The following WASHC5 variants were observed in gnomAD, a reference collection of about 807,000 sequenced individuals.
WASHC5 encodes WASH complex subunit strumpellin.
A neutral mutation model predicts 150.4 loss-of-function variants in WASHC5; 101 were observed. The observed-to-expected ratio is 0.67, with a 90% CI of 0.57 to 0.79. WASHC5 has a LOEUF of 0.79. Among genes scored for constraint, WASHC5 ranks in the 30% least tolerant of loss-of-function variants. WASHC5 has a pLI of 0.00. For synonymous variants in WASHC5, 467 were observed against 491.2 expected, an observed-to-expected ratio of 0.95 and a Z score of 0.65; for missense variants, 1,195 against 1,396.3, an observed-to-expected ratio of 0.86 and a Z score of 2.30.
chr8:125,025,800 T>C (rs1815363249), intron 28 of WASHC5, among the ~76,000 whole-genome samples: 1 of 147,180 alleles, frequency 6.8e-6, no homozygotes, highest in Non-Finnish European at 1.5e-5. Context: ...ACTTTTGTAA[T>C]GAATTTTTCC....
chr8:125,069,667 C>T (rs1359854430), intron 9 of WASHC5, among the ~76,000 whole-genome samples: 1 of 152,184 alleles, frequency 6.6e-6, no homozygotes, highest in Non-Finnish European at 1.5e-5. Context: ...AGACTCGTGA[C>T]AACCTGGAAA....
At chr8:125,028,116 A>G (rs1017315989) in intron 28 of WASHC5, among the ~76,000 whole-genome samples, 2 of 152,210 alleles carry the variant, frequency 1.3e-5, no homozygotes, top group Non-Finnish European at 2.9e-5. Flanking sequence ...CTCCACTTTG[A>G]GCTAAAATTT....
At chr8:125,090,782 C>T (rs1336140119) in intron 1 of WASHC5, among the ~76,000 whole-genome samples, 1 of 152,168 alleles carries the variant, frequency 6.6e-6, no homozygotes, top group African/African-American at 2.4e-5. Context: ...TTTCGCAAAA[C>T]CTCAGTTCCA....
chr8:125,072,360 G>A (rs527955287), intron 9 of WASHC5, among the ~76,000 whole-genome samples: 1 of 104,954 alleles, frequency 9.5e-6, no homozygotes, highest in Admixed American at 1.0e-4. Context: ...AGTGGGGGGG[G>A]GGGGCGGGCT....
At chr8:125,088,339 T>G (rs1411663060) in intron 1 of WASHC5, among the ~76,000 whole-genome samples, 1 of 150,100 alleles carries the variant, frequency 6.7e-6, no homozygotes. Flanking sequence ...GCAGGAGAAT[T>G]GCTTAAACCC....
intron 18 of WASHC5, among the ~76,000 whole-genome samples, chr8:125,050,083 A>G (rs889891262): frequency 6.6e-6 from 1 of 152,138 alleles, no homozygotes; most frequent in African/African-American, 2.4e-5. Flanking sequence ...GAATACTTAA[A>G]ACATTTTAAA....
chr8:125,047,340 C>T lies in WASHC5; in HGVS notation c.2380-9G>A, dbSNP rs759557344. 2 of 1,612,598 alleles carry T rather than the reference C, an allele frequency of 1.2e-6. No individual in the cohort carries two copies. The highest frequency in any genetic ancestry group is 2.2e-5 in the South Asian group (2 of 91,046). On this transcript the variant is annotated splice_polypyrimidine_tract_variant and intron_variant, in intron 19 of 28. Transcript: ENST00000318410. ...CTTTGCCAATCTTGAATCTAGAAAA[C>T]AAAACCATCAATATTTAGTAAACCT... is the stretch of plus-strand genomic sequence containing the variant.
At position 125,066,599 on chromosome 8, in the gene WASHC5, C is replaced by T. The variant is rs1194717184; in HGVS notation, c.1278+993G>A. On this transcript the variant is annotated intron_variant, in intron 10 of 28. Coordinates refer to ENST00000318410, the MANE Select transcript of WASHC5 (RefSeq NM_014846.4). ...GATGACCTTGTACAAATGCAAATCA[C>T]CCACCCCAGTTAATACCCTTTCCAG... Among the ~76,000 whole-genome samples the T allele has an allele frequency of 2.0e-5, 3 of 152,282 alleles. No homozygotes were observed. The East Asian group carries it at 5.8e-4, about 29-fold the overall frequency.
intron 17 of WASHC5, among the ~76,000 whole-genome samples, chr8:125,051,513 C>T (rs1291295286): frequency 6.6e-6 from 1 of 152,212 alleles, no homozygotes; most frequent in Admixed American, 6.5e-5. Flanking sequence ...ACGTCAAGAT[C>T]GTTCAATCAG....
chr8:125,073,041 T>G lies in WASHC5; in HGVS notation c.1150+112A>C, dbSNP rs961431260. The G allele has an allele frequency of 1.5e-5, 17 of 1,151,844 alleles. No homozygotes were observed. The Middle Eastern group carries it at 8.6e-4, about 58-fold the overall frequency. 71.4% of individuals were successfully genotyped at this position (1,151,844 alleles called of 1,614,324 possible). On this transcript the variant is annotated intron_variant, in intron 9 of 28. Transcript: ENST00000318410. The stretch of plus-strand genomic sequence containing the variant: ...TGACTAACTTTAAAAAGCAACTTGA[T>G]TCTCATCCAAGGCCTCTCTCCCTGC...
At position 125,044,650 on chromosome 8, in the gene WASHC5, A is replaced by G. The variant is rs534230568; in HGVS notation, c.2553T>C (p.Thr851=). Reference sequence around the variant, plus strand: ...GGCGGCTGCTGGTCACTTCCTGATGAGTTTTCATATCATACCAAGTGTTCA... The same window carrying G: ...GGCGGCTGCTGGTCACTTCCTGATGGGTTTTCATATCATACCAAGTGTTCA... ...DQLNTWYDMK[T]HQEVTSSRLF... Residue 851 remains threonine, a synonymous_variant, in exon 21 of 29, where the codon ACT becomes ACC. Transcript: ENST00000318410. The G allele has an allele frequency of 6.2e-7, 1 of 1,614,130 alleles. No homozygotes were observed. Among genetic ancestry groups the G allele is most frequent in the Admixed American group, 1.7e-5 (1 of 60,024 alleles).
chr8:125,065,984 C>G (rs1440932333), intron 10 of WASHC5, among the ~76,000 whole-genome samples: 1 of 152,098 alleles, frequency 6.6e-6, no homozygotes, highest in African/African-American at 2.4e-5. Flanking sequence ...TGACCTGGTT[C>G]CTGTTCTTGG....
chr8:125,059,367 CTACAT>C lies in WASHC5; in HGVS notation c.1688+4_1688+8del. 1 of 1,613,924 alleles carries C rather than the reference CTACAT, an allele frequency of 6.2e-7. No individual in the cohort carries two copies. The highest frequency in any genetic ancestry group is 8.5e-7 in the Non-Finnish European group (1 of 1,179,884). Reference sequence around the variant, plus strand: ...TCATCTACAGCAAATGTCAGGCTGCCTACATTACCTGTCAATCAACTGCCAAGCGA... The same window carrying C: ...TCATCTACAGCAAATGTCAGGCTGCCTACCTGTCAATCAACTGCCAAGCGA... On this transcript the variant is annotated splice_donor_5th_base_variant and intron_variant, in intron 13 of 28. Coordinates refer to ENST00000318410, the MANE Select transcript of WASHC5 (RefSeq NM_014846.4).
intron 27 of WASHC5, among the ~76,000 whole-genome samples, 178 bp from the exon 28 acceptor site, chr8:125,028,885 G>A (rs1051949459): frequency 2.6e-5 from 4 of 152,126 alleles, no homozygotes; most frequent in Admixed American, 2.6e-4. Flanking sequence ...ATTTTCAGGA[G>A]CCCACCCCAT....
At position 125,073,171 on chromosome 8, in the gene WASHC5, G is replaced by A; in HGVS notation, c.1132C>T (p.Leu378Phe). The change falls in exon 9 of 29, where the codon CTT becomes TTT. Residue 378 changes from leucine (L) to phenylalanine (F), a missense_variant. Transcript: ENST00000318410. Reference sequence around the variant, plus strand: ...GCATTACCTGAGTCTGCTGTATGAAGCATCAGCCATCGGATGGCAACATTG... The same window carrying A: ...GCATTACCTGAGTCTGCTGTATGAAACATCAGCCATCGGATGGCAACATTG... ...DCNVAIRWLM[L>F]HTADSACDPN... The A allele has an allele frequency of 6.2e-7, 1 of 1,614,112 alleles. No individual in the cohort carries two copies.
At chr8:125,083,309 G>A (rs1181919512) in intron 2 of WASHC5, 51 bp from the exon 3 acceptor site, 4 of 1,550,932 alleles carry the variant, frequency 2.6e-6, no homozygotes, top group South Asian at 2.3e-5. Context: ...ACTTGTTGGT[G>A]ACAATTTCTA....
rs778668426 is a variant in WASHC5, at chr8:125,028,716, G to A, written c.3336-9C>T. The A allele has an allele frequency of 6.2e-7, 1 of 1,603,892 alleles. No individual in the cohort carries two copies. The highest frequency in any genetic ancestry group is 1.1e-5 in the South Asian group (1 of 90,878). ...TTTCAGGTATCTTCTGGCTGTGATAGAGAACAGTTTAGATCAATTAACTGC... is the reference window on the plus strand; with the variant it reads ...TTTCAGGTATCTTCTGGCTGTGATAAAGAACAGTTTAGATCAATTAACTGC... On this transcript the variant is annotated splice_polypyrimidine_tract_variant and intron_variant, in intron 27 of 28. Transcript: ENST00000318410.
At chr8:125,089,794 A>C (rs1024561155) in intron 1 of WASHC5, among the ~76,000 whole-genome samples, 1 of 152,242 alleles carries the variant, frequency 6.6e-6, no homozygotes, top group Non-Finnish European at 1.5e-5. Context: ...CCCTTACTCA[A>C]GAATTACGCT....
chr8:125,078,447 A>G (rs907158785), intron 6 of WASHC5, among the ~76,000 whole-genome samples: 3 of 152,232 alleles, frequency 2.0e-5, no homozygotes, highest in Non-Finnish European at 4.4e-5. Flanking sequence ...AGCATTGCGC[A>G]TGTGAATGGG....
Sources: gnomAD v4.1 joint callset for allele counts (sites outside exome capture counted in the v4.1 genomes callset) on GRCh38, gnomAD v4.1.1 for gene constraint, MANE v1.5 for transcripts, NCBI Gene and HGNC (gene_info 2026-07-23, HGNC 2026-07-21) for gene names.